Variants in ST6GALNAC3 observed in about 807,000 individuals in gnomAD.
ST6GALNAC3 encodes alpha-N-acetylgalactosaminide alpha-2,6-sialyltransferase 3.
Under a neutral mutation model 32.7 loss-of-function variants are expected in ST6GALNAC3, and 25 were observed. The observed-to-expected ratio is 0.76, with a 90% confidence interval of 0.56 to 1.07. The LOEUF is 1.07. ST6GALNAC3 is among the 50% of genes least tolerant of loss of function. The pLI is 0.00. For missense variants in ST6GALNAC3, 355 were observed against 382.4 expected (o/e 0.93, Z 0.60); for synonymous variants, 129 against 133.1 (o/e 0.97, Z 0.21).
chr1:76,092,137 A>T (rs1260470878), intron 1 of ST6GALNAC3, among the ~76,000 whole-genome samples: 1 of 152,258 alleles, frequency 6.6e-6, no homozygotes, highest in Non-Finnish European at 1.5e-5. Context: ...GTGGAAACAC[A>T]GGAAGAGATC....
chr1:76,580,170 T>A (rs1360224550), intron 3 of ST6GALNAC3, among the ~76,000 whole-genome samples: 2 of 152,074 alleles, frequency 1.3e-5, no homozygotes, highest in Admixed American at 6.6e-5. Flanking sequence ...ACACATGGAT[T>A]TAAAATTTGT....
intron 3 of ST6GALNAC3, among the ~76,000 whole-genome samples, chr1:76,593,207 G>A (rs185954217): frequency 3.5e-4 from 53 of 152,214 alleles, no homozygotes; most frequent in Admixed American, 1.2e-3. Flanking sequence ...ATGACAAATT[G>A]TAATTAGTAT....
chr1:76,281,377 G>C (rs1483665740), intron 1 of ST6GALNAC3, among the ~76,000 whole-genome samples: 2 of 152,190 alleles, frequency 1.3e-5, no homozygotes, highest in Non-Finnish European at 2.9e-5. Flanking sequence ...CTCTCATTTG[G>C]TTCCACCCTG....
chr1:76,402,992 C>T (rs1031253093), intron 2 of ST6GALNAC3, among the ~76,000 whole-genome samples: 1 of 151,906 alleles, frequency 6.6e-6, no homozygotes, highest in African/African-American at 2.4e-5. Context: ...TACCAACCTC[C>T]TCCTCTCAAA....
intron 3 of ST6GALNAC3, among the ~76,000 whole-genome samples, chr1:76,474,060 G>A (rs984770739): frequency 2.0e-5 from 3 of 152,204 alleles, no homozygotes; most frequent in South Asian, 2.1e-4. Context: ...CAGCATCAAC[G>A]AGTTCAATCA....
intron 1 of ST6GALNAC3, among the ~76,000 whole-genome samples, chr1:76,152,405 G>T (rs1290584263): frequency 6.6e-6 from 1 of 152,222 alleles, no homozygotes; most frequent in African/African-American, 2.4e-5. Context: ...GGGTGATGAG[G>T]TAAAGACTGC....
At position 76,208,052 on chromosome 1, in the gene ST6GALNAC3, C is replaced by CA. The variant is rs1553165409; in HGVS notation, c.19-105747dup. On this transcript the variant is annotated intron_variant, in intron 1 of 4. Transcript: ENST00000328299. ...TCCCACTCAAGAGTGCCCCCCCCCC[C>CA]AAAAAATAGTTCACCCAGAACCCAT... Among the ~76,000 whole-genome samples, 119 of 145,888 alleles carry CA rather than the reference C, an allele frequency of 8.2e-4. 1 individual carries two copies. The highest frequency in any genetic ancestry group is 3.6e-3 in the Middle Eastern group (1 of 276).
chr1:76,406,272 G>T (rs1397962997), intron 2 of ST6GALNAC3, among the ~76,000 whole-genome samples: 4 of 152,026 alleles, frequency 2.6e-5, no homozygotes, highest in Non-Finnish European at 5.9e-5. Flanking sequence ...TTCTGAAGGA[G>T]GCTTTTGGGC....
intron 1 of ST6GALNAC3, among the ~76,000 whole-genome samples, chr1:76,112,938 C>G (rs1284434941): frequency 6.6e-6 from 1 of 152,084 alleles, no homozygotes; most frequent in Non-Finnish European, 1.5e-5. Flanking sequence ...GACGGGGTGG[C>G]GGCCGGGCAG....
intron 1 of ST6GALNAC3, among the ~76,000 whole-genome samples, chr1:76,267,481 C>T (rs981163001): frequency 6.6e-6 from 1 of 152,188 alleles, no homozygotes; most frequent in African/African-American, 2.4e-5. Flanking sequence ...ACCACTCTCA[C>T]TGCATTTTTT....
At chr1:76,076,270 G>T (rs765548281) in intron 1 of ST6GALNAC3, among the ~76,000 whole-genome samples, 1 of 152,082 alleles carries the variant, frequency 6.6e-6, no homozygotes, top group Non-Finnish European at 1.5e-5. Flanking sequence ...TTCTGTTTTG[G>T]TTTCTCCCCT....
At chr1:76,369,098 C>T (rs1428555088) in intron 2 of ST6GALNAC3, among the ~76,000 whole-genome samples, 1 of 152,154 alleles carries the variant, frequency 6.6e-6, no homozygotes, top group African/African-American at 2.4e-5. Context: ...CAGAGAAGTG[C>T]ATTAGATTAA....
chr1:76,517,779 T>G (rs1406108547), intron 3 of ST6GALNAC3, among the ~76,000 whole-genome samples: 2 of 143,534 alleles, frequency 1.4e-5, no homozygotes, highest in Non-Finnish European at 3.1e-5. Flanking sequence ...TAATTTTGAA[T>G]TCCTCTTACA....
chr1:76,210,814 T>C (rs1655111928), intron 1 of ST6GALNAC3, among the ~76,000 whole-genome samples: 1 of 152,182 alleles, frequency 6.6e-6, no homozygotes, highest in Admixed American at 6.5e-5. Flanking sequence ...TGGCATGATC[T>C]CAGCTCACTG....
At chr1:76,485,408 T>G (rs1387077615) in intron 3 of ST6GALNAC3, among the ~76,000 whole-genome samples, 1 of 152,192 alleles carries the variant, frequency 6.6e-6, no homozygotes, top group Non-Finnish European at 1.5e-5. Flanking sequence ...GAGCCTGTTA[T>G]TGGTCTATTC....
At chr1:76,486,942 A>G (rs1345641152) in intron 3 of ST6GALNAC3, among the ~76,000 whole-genome samples, 2 of 152,048 alleles carry the variant, frequency 1.3e-5, no homozygotes, top group African/African-American at 4.8e-5. Flanking sequence ...ATCTCTCAGC[A>G]TTTGCTTGTC....
At chr1:76,156,137 T>G (rs1029677819) in intron 1 of ST6GALNAC3, among the ~76,000 whole-genome samples, 1 of 152,244 alleles carries the variant, frequency 6.6e-6, no homozygotes, top group Middle Eastern at 3.4e-3. Context: ...GGGTTATGGG[T>G]TTTTGAGAGG....
At chr1:76,160,739 G>A (rs1465250103) in intron 1 of ST6GALNAC3, among the ~76,000 whole-genome samples, 1 of 152,182 alleles carries the variant, frequency 6.6e-6, no homozygotes, top group East Asian at 1.9e-4. Context: ...GAAGCAAAAA[G>A]TGTGCTTAGT....
intron 2 of ST6GALNAC3, among the ~76,000 whole-genome samples, chr1:76,393,274 G>A (rs1051751856): frequency 1.3e-5 from 2 of 152,160 alleles, no homozygotes; most frequent in Admixed American, 6.5e-5. Context: ...CTTTAAGGCC[G>A]TGGCTGTCTT....
Sources: gnomAD v4.1 joint callset for allele counts (sites outside exome capture counted in the v4.1 genomes callset) on GRCh38, gnomAD v4.1.1 for gene constraint, MANE v1.5 for transcripts, NCBI Gene and HGNC (gene_info 2026-07-23, HGNC 2026-07-21) for gene names.